BMPR1B: variants seen among roughly 807,000 people sequenced by gnomAD.
BMPR1B encodes bone morphogenetic protein receptor type-1B.
Under a neutral mutation model 59.1 loss-of-function variants are expected in BMPR1B, and 12 were observed. The ratio of observed to expected loss-of-function variants is 0.20; its 90% CI spans 0.13 to 0.33. BMPR1B has a LOEUF of 0.33. Among genes scored for constraint, BMPR1B ranks in the 10% least tolerant of loss-of-function variants. The pLI, the probability that BMPR1B is intolerant of heterozygous loss-of-function variation, is 1.00. For missense variants in BMPR1B, 550 were observed against 610.9 expected (o/e 0.90, Z 1.05); for synonymous variants, 237 against 207.3 (o/e 1.14, Z -1.23).
chr4:95,107,018 A>G (rs573997918), intron 4 of BMPR1B, among the ~76,000 whole-genome samples: 1 of 151,888 alleles, frequency 6.6e-6, no homozygotes, highest in Admixed American at 6.6e-5. Context: ...TTCTGCTCAT[A>G]TTGTGTCCTC....
intron 2 of BMPR1B, among the ~76,000 whole-genome samples, chr4:94,985,707 T>C (rs1171529798): frequency 6.6e-6 from 1 of 152,130 alleles, no homozygotes; most frequent in Non-Finnish European, 1.5e-5. Flanking sequence ...GGGCCCAAGA[T>C]TTAAGGTGAG....
At chr4:94,977,726 G>A (rs573323472) in intron 2 of BMPR1B, among the ~76,000 whole-genome samples, 26 of 152,174 alleles carry the variant, frequency 1.7e-4, no homozygotes, top group Non-Finnish European at 3.1e-4. Flanking sequence ...GCATGGTGGC[G>A]CGTGCCTGCA....
intron 1 of BMPR1B, among the ~76,000 whole-genome samples, chr4:94,780,183 C>T (rs561927916): frequency 6.6e-6 from 1 of 152,218 alleles, no homozygotes; most frequent in East Asian, 1.9e-4. Context: ...ATATTACTCC[C>T]AACCGCACTA....
chr4:94,843,036 C>G (rs936005664), intron 1 of BMPR1B, among the ~76,000 whole-genome samples: 4 of 152,226 alleles, frequency 2.6e-5, no homozygotes, highest in Non-Finnish European at 4.4e-5. Flanking sequence ...AGGACATACT[C>G]TCTGCCAGGC....
chr4:94,913,866 T>C (rs1400002982), intron 2 of BMPR1B, among the ~76,000 whole-genome samples: 1 of 152,222 alleles, frequency 6.6e-6, no homozygotes, highest in Non-Finnish European at 1.5e-5. Context: ...TTTTGAAATC[T>C]AGCTAGTGCT....
intron 1 of BMPR1B, among the ~76,000 whole-genome samples, chr4:94,852,085 A>G (rs1426719000): frequency 6.6e-6 from 1 of 152,194 alleles, no homozygotes; most frequent in Admixed American, 6.5e-5. Flanking sequence ...ATTTTCCCTT[A>G]CCTGTTTGTA....
intron 1 of BMPR1B, among the ~76,000 whole-genome samples, chr4:94,773,619 A>G (rs1202733058): frequency 6.6e-6 from 1 of 152,108 alleles, no homozygotes; most frequent in Non-Finnish European, 1.5e-5. Flanking sequence ...GATTTTGTTC[A>G]GAAGTCAGAT....
At chr4:95,046,019 A>G (rs1726033737) in intron 3 of BMPR1B, among the ~76,000 whole-genome samples, 1 of 152,200 alleles carries the variant, frequency 6.6e-6, no homozygotes, top group Non-Finnish European at 1.5e-5. Context: ...TGAATATTTA[A>G]TGAATTAAAT....
intron 3 of BMPR1B, among the ~76,000 whole-genome samples, chr4:95,035,922 T>C (rs1013423805): frequency 2.0e-5 from 3 of 152,200 alleles, no homozygotes; most frequent in Admixed American, 1.3e-4. Flanking sequence ...GCATGGTATG[T>C]ATTTCCATTT....
intron 3 of BMPR1B, among the ~76,000 whole-genome samples, chr4:95,033,839 A>G (rs6828774): frequency 0.019 from 2,903 of 152,266 alleles, 95 homozygotes; most frequent in African/African-American, 0.066. Context: ...AAGATGAAAG[A>G]CAGTCACTCC....
chr4:94,796,660 G>T (rs962084051), intron 1 of BMPR1B, among the ~76,000 whole-genome samples: 4 of 151,986 alleles, frequency 2.6e-5, no homozygotes, highest in Non-Finnish European at 4.4e-5. Flanking sequence ...TCCCCATGAG[G>T]TGTTTTGTGT....
intron 1 of BMPR1B, among the ~76,000 whole-genome samples, chr4:94,787,018 C>T (rs1411215382): frequency 6.6e-6 from 1 of 152,120 alleles, no homozygotes; most frequent in South Asian, 2.1e-4. Context: ...TTCCCCAGGA[C>T]ATTTTTTGTT....
intron 2 of BMPR1B, among the ~76,000 whole-genome samples, chr4:94,961,958 TGTCTA>T (rs1730369789): frequency 6.6e-6 from 1 of 152,160 alleles, no homozygotes; most frequent in African/African-American, 2.4e-5. Context: ...CAATTTTACT[TGTCTA>T]GTTATTTTGA....
chr4:94,936,153 C>T (rs2149039024), intron 2 of BMPR1B, among the ~76,000 whole-genome samples: 1 of 152,226 alleles, frequency 6.6e-6, no homozygotes, highest in East Asian at 1.9e-4. Flanking sequence ...GGTATTCATG[C>T]TGTGGAGCTC....
chr4:95,135,411 A>G (rs907705162), intron 10 of BMPR1B, among the ~76,000 whole-genome samples: 1 of 152,148 alleles, frequency 6.6e-6, no homozygotes, highest in South Asian at 2.1e-4. Flanking sequence ...AGTCATTGGT[A>G]GCTTGATGGG....
intron 4 of BMPR1B, among the ~76,000 whole-genome samples, chr4:95,108,610 A>G (rs1317460053): frequency 6.6e-6 from 1 of 152,092 alleles, no homozygotes; most frequent in Admixed American, 6.6e-5. Context: ...GGCCAGAGTC[A>G]TTCTTGGCTT....
chr4:94,837,298 A>C (rs1382188318), intron 1 of BMPR1B, among the ~76,000 whole-genome samples: 2 of 149,728 alleles, frequency 1.3e-5, no homozygotes, highest in Non-Finnish European at 3.0e-5. Context: ...TCTGTGAAGA[A>C]AGGCATTGGT....
intron 3 of BMPR1B, among the ~76,000 whole-genome samples, chr4:95,021,462 A>T (rs1459305050): frequency 6.6e-6 from 1 of 152,252 alleles, no homozygotes; most frequent in South Asian, 2.1e-4. Flanking sequence ...TTAATGTATT[A>T]TGAAATCAAT....
chr4:94,832,887 C>T (rs935734524), intron 1 of BMPR1B, among the ~76,000 whole-genome samples: 1 of 152,084 alleles, frequency 6.6e-6, no homozygotes, highest in Non-Finnish European at 1.5e-5. Context: ...TTGAGCAGGT[C>T]ATGTCTGTGA....
Sources: gnomAD v4.1 joint callset for allele counts (sites outside exome capture counted in the v4.1 genomes callset) on GRCh38, gnomAD v4.1.1 for gene constraint, MANE v1.5 for transcripts, NCBI Gene and HGNC (gene_info 2026-07-23, HGNC 2026-07-21) for gene names.